GRID2: variants seen among roughly 807,000 people sequenced by gnomAD.
GRID2 encodes the protein glutamate receptor ionotropic, delta-2.
Under a neutral mutation model 114.8 loss-of-function variants are expected in GRID2, and 33 were observed. The observed-to-expected ratio is 0.29, with a 90% CI of 0.22 to 0.38. The LOEUF (loss-of-function observed/expected upper bound fraction) is 0.38, where lower values mean the gene tolerates loss of function less well. GRID2 is among the 10% of genes least tolerant of loss of function. The pLI, the probability that GRID2 is intolerant of heterozygous loss-of-function variation, is 1.00. For synonymous variants in GRID2, 505 were observed against 449.9 expected (o/e 1.12, Z -1.55); for missense variants, 1,184 against 1,257.7 (o/e 0.94, Z 0.89).
intron 1 of GRID2, among the ~76,000 whole-genome samples, chr4:92,444,591 T>A (rs78054495): frequency 6.6e-6 from 1 of 152,166 alleles, no homozygotes; most frequent in African/African-American, 2.4e-5. Context: ...CTTTAGGCCA[T>A]CTGGGAGTAT....
intron 13 of GRID2, among the ~76,000 whole-genome samples, chr4:93,588,167 T>G (rs1309762446): frequency 6.6e-6 from 1 of 152,066 alleles, no homozygotes; most frequent in Non-Finnish European, 1.5e-5. Context: ...ATGGTAAATT[T>G]TAAGAGGTGA....
chr4:92,999,176 G>T (rs1220553516), intron 2 of GRID2, among the ~76,000 whole-genome samples: 2 of 151,740 alleles, frequency 1.3e-5, no homozygotes, highest in Non-Finnish European at 2.9e-5. Context: ...TTAATTCTTA[G>T]CCTAGCCACT....
intron 12 of GRID2, among the ~76,000 whole-genome samples, chr4:93,507,259 C>G (rs1728725967): frequency 6.6e-6 from 1 of 152,116 alleles, no homozygotes; most frequent in African/African-American, 2.4e-5. Context: ...ACTTTACAAG[C>G]TTGAGTCTGA....
At chr4:93,030,241 C>T (rs897541087) in intron 2 of GRID2, among the ~76,000 whole-genome samples, 1 of 152,006 alleles carries the variant, frequency 6.6e-6, no homozygotes, top group African/African-American at 2.4e-5. Flanking sequence ...TTTTTCCTTC[C>T]TCTTTCCTTT....
In GRID2 at chr4:93,302,435, C is replaced by T. The variant is rs185515756; in HGVS notation, c.1245+63945C>T. 2.8e-3 allele frequency: 1,091 copies of T among 385,474 alleles called. 4 individuals carry two copies. Among genetic ancestry groups the T allele is most frequent in the South Asian group, 3.9e-3 (197 of 50,682 alleles). The allele number at this position is 385,474 out of a possible 1,614,324, so 23.9% of individuals were successfully genotyped here. A position where few individuals can be genotyped will look rare whatever the true frequency, so the allele number is the denominator to read the frequency against. On this transcript the variant is annotated intron_variant, in intron 8 of 15. Transcript: ENST00000282020. ...CAGCAGCCAGGGGTCTTCAGAAGGT[C>T]CTGTATGCCAGTTATGCCCCATCAC...
At chr4:92,761,916 AGTT>A (rs1738028594) in intron 2 of GRID2, among the ~76,000 whole-genome samples, 1 of 152,046 alleles carries the variant, frequency 6.6e-6, no homozygotes, top group Non-Finnish European at 1.5e-5. Context: ...ATATGTGTTA[AGTT>A]GTTTTTTATT....
At chr4:92,872,445 T>G (rs1745341741) in intron 2 of GRID2, among the ~76,000 whole-genome samples, 1 of 152,152 alleles carries the variant, frequency 6.6e-6, no homozygotes, top group African/African-American at 2.4e-5. Context: ...CTGCATATTT[T>G]TGGTAAGGAG....
intron 1 of GRID2, among the ~76,000 whole-genome samples, chr4:92,411,655 GTATATA>G (rs70940887): frequency 3.5e-5 from 3 of 84,722 alleles, no homozygotes; most frequent in African/African-American, 1.8e-4. Flanking sequence ...GTGTGTGTGT[GTATATA>G]TATATATATA....
chr4:93,318,434 T>G (rs1474612694), intron 8 of GRID2, among the ~76,000 whole-genome samples: 3 of 152,038 alleles, frequency 2.0e-5, no homozygotes, highest in Non-Finnish European at 2.9e-5. Flanking sequence ...AAATTGATAT[T>G]ATATAGTTAG....
At chr4:93,089,222 C>G (rs1390935925) in intron 3 of GRID2, among the ~76,000 whole-genome samples, 1 of 152,056 alleles carries the variant, frequency 6.6e-6, no homozygotes, top group Non-Finnish European at 1.5e-5. Flanking sequence ...TAATTTCCAA[C>G]AGATTGTGAA....
intron 1 of GRID2, among the ~76,000 whole-genome samples, chr4:92,539,327 A>G (rs1316140649): frequency 6.6e-6 from 1 of 152,164 alleles, no homozygotes; most frequent in Admixed American, 6.6e-5. Context: ...TTATTACTAT[A>G]AAATGGTGGC....
intron 2 of GRID2, among the ~76,000 whole-genome samples, chr4:92,648,266 G>T (rs1246528181): frequency 2.0e-5 from 3 of 149,668 alleles, no homozygotes; most frequent in Non-Finnish European, 4.4e-5. Flanking sequence ...AATAAATGAG[G>T]TAGGTAATTA....
chr4:93,173,093 C>A (rs1739007442), intron 4 of GRID2, among the ~76,000 whole-genome samples: 1 of 151,832 alleles, frequency 6.6e-6, no homozygotes, highest in African/African-American at 2.4e-5. Flanking sequence ...AATTGTATTG[C>A]CTTAAAAATC....
At chr4:92,443,109 A>G (rs796125148) in intron 1 of GRID2, among the ~76,000 whole-genome samples, 1 of 152,108 alleles carries the variant, frequency 6.6e-6, no homozygotes, top group African/African-American at 2.4e-5. Context: ...GGGGACAGGC[A>G]GGAGGGAAAG....
At chr4:93,727,101 A>G (rs988316024) in intron 14 of GRID2, among the ~76,000 whole-genome samples, 4 of 152,184 alleles carry the variant, frequency 2.6e-5, no homozygotes, top group African/African-American at 9.7e-5. Flanking sequence ...TTGCCCATTC[A>G]GTATGATATT....
intron 2 of GRID2, among the ~76,000 whole-genome samples, chr4:92,759,378 T>A (rs1388062588): frequency 6.6e-6 from 1 of 151,480 alleles, no homozygotes; most frequent in Non-Finnish European, 1.5e-5. Flanking sequence ...TACTTTCTAA[T>A]TTTTTTTTAC....
At chr4:92,941,614 T>C (rs1292968195) in intron 2 of GRID2, among the ~76,000 whole-genome samples, 1 of 152,190 alleles carries the variant, frequency 6.6e-6, no homozygotes, top group Non-Finnish European at 1.5e-5. Context: ...CTGCTAGCTT[T>C]TGAATGTGTT....
intron 8 of GRID2, among the ~76,000 whole-genome samples, chr4:93,260,560 T>G (rs1001996887): frequency 1.3e-5 from 2 of 151,878 alleles, no homozygotes; most frequent in South Asian, 2.1e-4. Flanking sequence ...CAACTGTTAT[T>G]TATACTCAAA....
chr4:93,761,023 A>G (rs554975103), intron 14 of GRID2, among the ~76,000 whole-genome samples: 2 of 152,312 alleles, frequency 1.3e-5, no homozygotes, highest in East Asian at 1.9e-4. Flanking sequence ...ATTTTACAAT[A>G]TAATCAGAAA....
Sources: gnomAD v4.1 joint callset for allele counts (sites outside exome capture counted in the v4.1 genomes callset) on GRCh38, gnomAD v4.1.1 for gene constraint, MANE v1.5 for transcripts, NCBI Gene and HGNC (gene_info 2026-07-23, HGNC 2026-07-21) for gene names.